The following SUZ12 variants were observed in gnomAD, a reference collection of about 807,000 sequenced individuals.
SUZ12 encodes SUZ12 polycomb repressive complex 2 subunit.
In SUZ12, 17 loss-of-function variants were observed where a neutral mutation model predicts 87.3. That is an observed-to-expected ratio of 0.19 (90% CI 0.13 to 0.29). The LOEUF (loss-of-function observed/expected upper bound fraction) is 0.29, where lower values mean the gene tolerates loss of function less well. SUZ12 is among the 10% of genes least tolerant of loss of function. SUZ12 has a pLI of 1.00. For synonymous variants in SUZ12, 253 were observed against 312.4 expected (o/e 0.81, Z 2.01); for missense variants, 526 against 912.2 (o/e 0.58, Z 5.45).
intron 4 of SUZ12, among the ~76,000 whole-genome samples, chr17:31,963,254 C>T (rs1316443267): frequency 6.6e-6 from 1 of 152,104 alleles, no homozygotes; most frequent in African/African-American, 2.4e-5. Flanking sequence ...AAGTGATTCT[C>T]CTGCCTCAGC....
intron 5 of SUZ12, among the ~76,000 whole-genome samples, chr17:31,971,738 A>G (rs532801333): frequency 2.6e-5 from 4 of 152,172 alleles, no homozygotes; most frequent in African/African-American, 9.6e-5. Context: ...CCCTCCTGCA[A>G]CTGTTTTCAT....
chr17:31,956,148 C>T (rs1034209317), intron 4 of SUZ12, among the ~76,000 whole-genome samples: 2 of 151,244 alleles, frequency 1.3e-5, no homozygotes, highest in Non-Finnish European at 2.9e-5. Context: ...CTCCTGACCC[C>T]GTGATCTGTC....
chr17:31,969,342 T>G (rs1908279380), intron 5 of SUZ12, among the ~76,000 whole-genome samples: 1 of 152,146 alleles, frequency 6.6e-6, no homozygotes, highest in African/African-American at 2.4e-5. Flanking sequence ...AGATGGGGTT[T>G]CTCCACGTTG....
At chr17:31,941,677 GTAGCT>G (rs1906295815) in intron 3 of SUZ12, among the ~76,000 whole-genome samples, 1 of 151,440 alleles carries the variant, frequency 6.6e-6, no homozygotes. Flanking sequence ...AGCCTCCTTA[GTAGCT>G]TGGACTATAG....
chr17:31,969,109 T>A, intron 5 of SUZ12, among the ~76,000 whole-genome samples: 1 of 152,140 alleles, frequency 6.6e-6, no homozygotes, highest in East Asian at 1.9e-4. Flanking sequence ...CCCAAGTATC[T>A]GGGATTACAG....
At chr17:31,976,429 A>G (rs1908756945) in intron 7 of SUZ12, 92 bp from the exon 8 acceptor site, 1 of 1,042,038 alleles carries the variant, frequency 9.6e-7, no homozygotes, top group South Asian at 1.5e-5. Flanking sequence ...CTCATTTGGG[A>G]TAAATGTAGC....
intron 8 of SUZ12, among the ~76,000 whole-genome samples, chr17:31,978,555 G>A (rs1170559059): frequency 2.0e-5 from 3 of 152,000 alleles, no homozygotes; most frequent in Non-Finnish European, 4.4e-5. Context: ...AGATTTAAAT[G>A]GAAAACAATA....
intron 3 of SUZ12, among the ~76,000 whole-genome samples, chr17:31,941,043 G>T (rs1906246623): frequency 6.6e-6 from 1 of 151,796 alleles, no homozygotes; most frequent in Non-Finnish European, 1.5e-5. Context: ...TTTTAGTAGT[G>T]AAGTGAATAA....
intron 9 of SUZ12, among the ~76,000 whole-genome samples, chr17:31,986,943 G>A (rs1296853004): frequency 3.3e-5 from 5 of 152,166 alleles, no homozygotes; most frequent in Non-Finnish European, 7.3e-5. Context: ...GAAGCTCATT[G>A]AAGACTACTT....
chr17:31,969,653 G>A (rs957544406), intron 5 of SUZ12, among the ~76,000 whole-genome samples: 17 of 152,118 alleles, frequency 1.1e-4, no homozygotes, highest in South Asian at 1.0e-3. Flanking sequence ...TAGATATATT[G>A]TGTTTCTTTT....
In SUZ12 at chr17:31,995,780, T is replaced by C. The variant is rs755563496; in HGVS notation, c.1794+18T>C. On this transcript the variant is annotated intron_variant, in intron 14 of 15. Transcript: ENST00000322652. ...CCATTACAGTAATTATTATTATCTT[T>C]ATTGGCAATTATCTTGGAATATTAT... 1.9e-6 allele frequency: 3 copies of C among 1,539,834 alleles called. No individual in the cohort carries two copies. Among genetic ancestry groups the C allele is most frequent in the Admixed American group, 1.8e-5 (1 of 56,574 alleles).
At position 31,987,426 on chromosome 17, in the gene SUZ12, C is replaced by T. The variant is rs115801490; in HGVS notation, c.1024-894C>T. The stretch of plus-strand genomic sequence containing the variant: ...AATTCTTGAGGATGGTTGAGTGATT[C>T]GGTCAGATGGCTAAAAGTTAGCTAT... On this transcript the variant is annotated intron_variant, in intron 9 of 15. Coordinates refer to ENST00000322652, the MANE Select transcript of SUZ12 (RefSeq NM_015355.4). 5.4e-3 allele frequency among the ~76,000 whole-genome samples: 825 copies of T among 152,194 alleles called. 5 individuals carry two copies. The highest frequency in any genetic ancestry group is 0.018 in the African/African-American group (748 of 41,520).
intron 4 of SUZ12, among the ~76,000 whole-genome samples, chr17:31,948,131 A>G (rs1211408042): frequency 1.3e-5 from 2 of 152,118 alleles, no homozygotes; most frequent in African/African-American, 2.4e-5. Flanking sequence ...ATTTAAATCT[A>G]TCAGGCAACA....
At chr17:31,976,462 A>G (rs1263186155) in intron 7 of SUZ12, 59 bp from the exon 8 acceptor site, 1 of 1,053,022 alleles carries the variant, frequency 9.5e-7, no homozygotes, top group Non-Finnish European at 1.4e-6. Flanking sequence ...AAGGGACCAT[A>G]TATCATAACA....
At chr17:31,994,490 A>G in intron 12 of SUZ12, 74 bp from the exon 13 acceptor site, 1 of 1,347,278 alleles carries the variant, frequency 7.4e-7, no homozygotes, top group Non-Finnish European at 9.7e-7. Context: ...GAGCCCACAA[A>G]TTCTTTAATT....
In SUZ12 at chr17:31,994,497, A is replaced by C. The variant is rs1422462585; in HGVS notation, c.1438-67A>C. 5.9e-6 allele frequency: 8 copies of C among 1,360,822 alleles called. No individual in the cohort carries two copies. The East Asian group carries it at 1.1e-4, about 18-fold the overall frequency. The allele number at this position is 1,360,822 out of a possible 1,614,324, so 84.3% of individuals were successfully genotyped here. On this transcript the variant is annotated intron_variant, in intron 12 of 15. Transcript: ENST00000322652. ...AATATTAAGAGCCCACAAATTCTTT[A>C]ATTAAATTGGAGGGATATTTAGGAT...
intron 8 of SUZ12, among the ~76,000 whole-genome samples, chr17:31,978,381 G>A (rs1359811093): frequency 6.6e-6 from 1 of 151,940 alleles, no homozygotes; most frequent in Admixed American, 6.6e-5. Context: ...GCTAATTTTT[G>A]TATTTTTAGT....
rs866458626 is a variant in SUZ12, at chr17:31,964,975, T to G, written c.456-1172T>G. 2.6e-5 allele frequency among the ~76,000 whole-genome samples: 4 copies of G among 151,672 alleles called. No homozygotes were observed. The South Asian group carries it at 8.3e-4, about 32-fold the overall frequency. On this transcript the variant is annotated intron_variant, in intron 4 of 15. Transcript: ENST00000322652. ...CCAACCTGGGCGAGAAGAGCGAAAC[T>G]TCATCTCAAAAAAAAGAAAAAGAGG...
intron 4 of SUZ12, among the ~76,000 whole-genome samples, chr17:31,948,060 A>G (rs533868314): frequency 4.0e-4 from 61 of 152,236 alleles, no homozygotes; most frequent in African/African-American, 1.5e-3. Flanking sequence ...AATATCACGT[A>G]TCTTGTAAGT....
Sources: gnomAD v4.1 joint callset for allele counts (sites outside exome capture counted in the v4.1 genomes callset) on GRCh38, gnomAD v4.1.1 for gene constraint, MANE v1.5 for transcripts, NCBI Gene and HGNC (gene_info 2026-07-23, HGNC 2026-07-21) for gene names.